MMAA: variants seen among roughly 807,000 people sequenced by gnomAD.
The protein encoded by MMAA is metabolism of cobalamin associated A, also known as methylmalonic aciduria type A protein, mitochondrial.
A neutral mutation model predicts 45.0 loss-of-function variants in MMAA; 41 were observed. That is an observed-to-expected ratio of 0.91 (90% CI 0.71 to 1.18). The LOEUF (loss-of-function observed/expected upper bound fraction) is 1.18, where lower values mean the gene tolerates loss of function less well. MMAA is among the 50% of genes most tolerant of loss of function. MMAA has a pLI of 0.00. For missense variants in MMAA, 460 were observed against 495.7 expected (o/e 0.93, Z 0.68); for synonymous variants, 154 against 178.2 (o/e 0.86, Z 1.08).
At chr4:145,649,001 C>A (rs1728016848) in intron 4 of MMAA, among the ~76,000 whole-genome samples, 1 of 151,318 alleles carries the variant, frequency 6.6e-6, no homozygotes, top group Non-Finnish European at 1.5e-5. Context: ...AATAAAAGAA[C>A]CCTGAGGTCA....
Position 145,659,937 on chromosome 4 carries a change from C to T in MMAA, c.*4503C>T, listed in dbSNP as rs892319337. 5 of 152,056 alleles carry T rather than the reference C, an allele frequency of 3.3e-5. No homozygotes were observed. The highest frequency in any genetic ancestry group is 2.6e-4 in the Admixed American group (4 of 15,254). 9.4% of individuals were successfully genotyped at this position (152,056 alleles called of 1,614,324 possible). On this transcript the variant is annotated 3_prime_UTR_variant, in exon 7 of 7. Transcript: ENST00000649156. Reference sequence around the variant, plus strand: ...CCTCCTATCTAGTTGTAACTTTGTACCCATTGACCCCCCTTCCCTTCCTTC... The same window carrying T: ...CCTCCTATCTAGTTGTAACTTTGTATCCATTGACCCCCCTTCCCTTCCTTC...
chr4:145,627,285 A>G (rs1031044551), intron 1 of MMAA, among the ~76,000 whole-genome samples: 3 of 152,110 alleles, frequency 2.0e-5, no homozygotes, highest in Non-Finnish European at 2.9e-5. Context: ...TTATCTTACC[A>G]TTTTTCTGTT....
At chr4:145,636,088 A>T (rs1340862066) in intron 1 of MMAA, among the ~76,000 whole-genome samples, 1 of 152,228 alleles carries the variant, frequency 6.6e-6, no homozygotes, top group Non-Finnish European at 1.5e-5. Flanking sequence ...AATGAAATAA[A>T]ATATCTGAAA....
chr4:145,628,280 A>T (rs533870907), intron 1 of MMAA, among the ~76,000 whole-genome samples: 4 of 152,342 alleles, frequency 2.6e-5, no homozygotes, highest in African/African-American at 9.6e-5. Context: ...TAGCTCTGGT[A>T]ACAGATTACC....
intron 1 of MMAA, among the ~76,000 whole-genome samples, chr4:145,621,214 G>A (rs961658252): frequency 1.3e-5 from 2 of 152,166 alleles, no homozygotes; most frequent in South Asian, 4.1e-4. Flanking sequence ...GGAACTTTGA[G>A]AATATGAGAA....
chr4:145,624,514 A>C, intron 1 of MMAA: 1 of 1,055,654 alleles, frequency 9.5e-7, no homozygotes, highest in Non-Finnish European at 1.4e-6. Flanking sequence ...CTGATAAGCC[A>C]CTCTGACAAG....
chr4:145,642,425 A>C lies in MMAA; in HGVS notation c.502A>C (p.Thr168Pro). 6.2e-7 allele frequency: 1 copy of C among 1,614,194 alleles called. No homozygotes were observed. The highest frequency in any genetic ancestry group is 8.5e-7 in the Non-Finnish European group (1 of 1,180,020). The change falls in exon 3 of 7, where the codon ACT (threonine) becomes CCT (proline). Residue 168 changes from threonine (T) to proline (P), a missense_variant. Physicochemically the swap from Thr to Pro is conservative, Grantham distance 38. Coordinates refer to ENST00000649156, the MANE Select transcript of MMAA (RefSeq NM_172250.3). ...TATAGAATATTTTGGAAAAATGCTT[A>C]CTGAGAGAGGGCACAAATTATCTGT... ...TFIEYFGKML[T>P]ERGHKLSVLA... is the part of the protein sequence containing the mutation.
intron 1 of MMAA, among the ~76,000 whole-genome samples, chr4:145,622,182 TC>T (rs1469009181): frequency 6.6e-6 from 1 of 152,176 alleles, no homozygotes; most frequent in Non-Finnish European, 1.5e-5. Context: ...TGGGGACAGG[TC>T]TTTCCTGTGC....
Position 145,649,023 on chromosome 4 carries a change from T to A in MMAA, c.734-2039T>A, listed in dbSNP as rs553233338. On this transcript the variant is annotated intron_variant, in intron 4 of 6. Transcript: ENST00000649156. ...GAACCCTGAGGTCAGGCATGGTGGCTTACACCTGTAGTCCCAGCAGTTCAG... is the reference window on the plus strand; with the variant it reads ...GAACCCTGAGGTCAGGCATGGTGGCATACACCTGTAGTCCCAGCAGTTCAG... 1.7e-3 allele frequency among the ~76,000 whole-genome samples: 255 copies of A among 151,312 alleles called. 2 individuals carry two copies. Among genetic ancestry groups the A allele is most frequent in the African/African-American group, 5.6e-3 (230 of 41,212 alleles).
At chr4:145,650,866 A>G in intron 4 of MMAA, 196 bp from the exon 5 acceptor site, 3 of 608,722 alleles carry the variant, frequency 4.9e-6, no homozygotes, top group Non-Finnish European at 8.9e-6. Flanking sequence ...AGAGCTGGGA[A>G]GGATAACGGG....
At chr4:145,647,546 G>A (rs150630707) in intron 4 of MMAA, among the ~76,000 whole-genome samples, 114 of 152,298 alleles carry the variant, frequency 7.5e-4, no homozygotes, top group African/African-American at 2.6e-3. Context: ...CAACAGAAAT[G>A]TATTTTCTCA....
At chr4:145,638,486 A>C (rs1727686377) in intron 1 of MMAA, among the ~76,000 whole-genome samples, 2 of 152,226 alleles carry the variant, frequency 1.3e-5, no homozygotes, top group African/African-American at 4.8e-5. Context: ...GGTGGCTCTG[A>C]CTATGCTTTG....
Sources: allele counts gnomAD v4.1 joint callset (sites outside exome capture counted in the v4.1 genomes callset), GRCh38; gene constraint gnomAD v4.1.1; transcripts MANE v1.5; gene names NCBI Gene and HGNC (gene_info 2026-07-23, HGNC 2026-07-21).